Variants in A2ML1 observed in about 807,000 individuals in gnomAD.
The protein encoded by A2ML1 is alpha-2-macroglobulin like 1.
A2ML1 carries 161 observed loss-of-function variants against 181.9 expected under a neutral mutation model. The ratio of observed to expected loss-of-function variants is 0.89; its 90% CI spans 0.78 to 1.01. The LOEUF is 1.01. A2ML1 is among the 50% of genes least tolerant of loss of function. A2ML1 has a pLI of 0.00. For synonymous variants in A2ML1, 663 were observed against 666.8 expected, an observed-to-expected ratio of 0.99 and a Z score of 0.09; for missense variants, 1,670 against 1,768.1, an observed-to-expected ratio of 0.94 and a Z score of 1.00.
chr12:8,848,545 G>T (rs375874869), intron 15 of A2ML1, among the ~76,000 whole-genome samples, 175 bp from the exon 16 acceptor site: 13 of 152,018 alleles, frequency 8.6e-5, no homozygotes, highest in African/African-American at 3.1e-4. Flanking sequence ...TGAGATAGAG[G>T]TTAAAGTTTT....
chr12:8,845,896 A>AATAAAAAAC (rs1491320617), intron 13 of A2ML1, among the ~76,000 whole-genome samples, 181 bp from the exon 14 acceptor site: 2 of 151,454 alleles, frequency 1.3e-5, no homozygotes, highest in African/African-American at 4.9e-5. Context: ...AAATAAAAAA[A>AATAAAAAAC]TTCTTATCCA....
intron 33 of A2ML1, among the ~76,000 whole-genome samples, chr12:8,871,005 C>A (rs937838652): frequency 6.6e-6 from 1 of 152,160 alleles, no homozygotes; most frequent in South Asian, 2.1e-4. Flanking sequence ...TGACCTTATT[C>A]ACATATATAG....
At position 8,828,926 on chromosome 12, in the gene A2ML1, C is replaced by T. The variant is rs180734701; in HGVS notation, c.410-801C>T. On this transcript the variant is annotated intron_variant, in intron 3 of 35. Coordinates refer to ENST00000299698, the MANE Select transcript of A2ML1 (RefSeq NM_144670.6). Reference sequence around the variant, plus strand: ...CTGTGTGCTTTCCCCTGTGATTGGGCAGCATTGCATTCTAAAGCCAAGTCC... The same window carrying T: ...CTGTGTGCTTTCCCCTGTGATTGGGTAGCATTGCATTCTAAAGCCAAGTCC... 5.3e-4 allele frequency among the ~76,000 whole-genome samples: 81 copies of T among 152,340 alleles called. 1 individual carries two copies. Among genetic ancestry groups the T allele is most frequent in the African/African-American group, 1.9e-3 (77 of 41,580 alleles).
chr12:8,853,556 G>A (rs1388280099), intron 20 of A2ML1, among the ~76,000 whole-genome samples: 1 of 152,192 alleles, frequency 6.6e-6, no homozygotes, highest in African/African-American at 2.4e-5. Context: ...GGTTTCATCT[G>A]AAGACTCGAC....
intron 4 of A2ML1, among the ~76,000 whole-genome samples, chr12:8,834,113 A>G (rs1439211877): frequency 6.6e-6 from 1 of 152,122 alleles, no homozygotes; most frequent in Non-Finnish European, 1.5e-5. Context: ...GTTCCTCACA[A>G]ACTTAATGGT....
rs761090250 is a variant in A2ML1, at chr12:8,849,677, C to A, written c.2037C>A (p.Gly679=). The A allele has an allele frequency of 1.9e-6, 3 of 1,614,094 alleles. No homozygotes were observed. The highest frequency in any genetic ancestry group is 2.2e-5 in the South Asian group (2 of 91,078). The change falls in exon 17 of 36, where the codon GGC becomes GGA. Residue 679 remains glycine (G), a synonymous_variant. Transcript: ENST00000299698. ...TCTCTGATGCCTATCAGGACGTGGG[C>A]CTGAAAATACTGTCCAATGCCAAAA... is the stretch of plus-strand genomic sequence containing the variant. ...TDLFSFFRDV[G]LKILSNAKIK... is the part of the protein sequence containing the mutation.
Position 8,854,772 on chromosome 12 carries a change from C to A in A2ML1, c.2713-8C>A, listed in dbSNP as rs184386564. 2,225 of 1,614,130 alleles carry A rather than the reference C, an allele frequency of 1.4e-3. 11 individuals are homozygous for A. Among genetic ancestry groups the A allele is most frequent in the Non-Finnish European group, 9.9e-4 (1,174 of 1,180,010 alleles). On this transcript the variant is annotated splice_region_variant and splice_polypyrimidine_tract_variant and intron_variant, in intron 21 of 35. Transcript: ENST00000299698. ...TGTTGTTTTTATCTGTGTCTCTCTT[C>A]ATCGCAGCCTGAGGGAGTCCTGGTG...
intron 16 of A2ML1, among the ~76,000 whole-genome samples, chr12:8,849,369 T>A (rs761495146): frequency 6.6e-6 from 1 of 152,314 alleles, no homozygotes; most frequent in African/African-American, 2.4e-5. Flanking sequence ...TACGCTGATA[T>A]GGTCCCTACC....
Position 8,870,265 on chromosome 12 carries a change from T to C in A2ML1, c.4221+1062T>C, listed in dbSNP as rs79341030. On this transcript the variant is annotated intron_variant, in intron 33 of 35. Coordinates refer to ENST00000299698, the MANE Select transcript of A2ML1 (RefSeq NM_144670.6). ...TTTATGTTGTGTGAGCCGTGTATAGTTTCTTTTTTCTTTTTTTTTTGAGAC... is the reference window on the plus strand; with the variant it reads ...TTTATGTTGTGTGAGCCGTGTATAGCTTCTTTTTTCTTTTTTTTTTGAGAC... 6.5e-3 allele frequency among the ~76,000 whole-genome samples: 973 copies of C among 149,776 alleles called. 12 individuals are homozygous for C. The highest frequency in any genetic ancestry group is 0.023 in the African/African-American group (926 of 40,108).
rs1056949789 is a variant in A2ML1 at position 8,873,917 on chromosome 12, A to G, written c.4222-508A>G. 2.6e-5 allele frequency among the ~76,000 whole-genome samples: 4 copies of G among 152,298 alleles called. No homozygotes were observed. The East Asian group carries it at 7.7e-4, about 29-fold the overall frequency. On this transcript the variant is annotated intron_variant, in intron 33 of 35. Transcript: ENST00000299698. Reference sequence around the variant, plus strand: ...GCCAGAGAGCTGTAAGATCCTAAGAAGAAAGAGCCAGGAAGTCAGCAGGAG... The same window carrying G: ...GCCAGAGAGCTGTAAGATCCTAAGAGGAAAGAGCCAGGAAGTCAGCAGGAG...
intron 13 of A2ML1, 27 bp downstream of exon 13, chr12:8,845,529 C>G (rs746305796): frequency 4.4e-5 from 71 of 1,612,904 alleles, no homozygotes; most frequent in Non-Finnish European, 5.9e-5. Flanking sequence ...TTCCCGGAAG[C>G]AAACAGGATA....
intron 4 of A2ML1, among the ~76,000 whole-genome samples, chr12:8,832,348 A>C (rs1194751884): frequency 1.3e-5 from 2 of 152,184 alleles, no homozygotes; most frequent in Admixed American, 1.3e-4. Context: ...CAGAGGCTGC[A>C]TGACCCCTAA....
Position 8,838,567 on chromosome 12 carries a change from G to T in A2ML1, c.970+117G>T. ...CTCTTGAGTGTTTGGATGGTACCTT[G>T]TTCCTAGTTCATAGTCAAGGGGAAA... On this transcript the variant is annotated intron_variant, in intron 9 of 35. Coordinates refer to ENST00000299698, the MANE Select transcript of A2ML1 (RefSeq NM_144670.6). 3 of 659,024 alleles carry T rather than the reference G, an allele frequency of 4.6e-6. No individual in the cohort carries two copies. The South Asian group carries it at 7.6e-5, about 17-fold the overall frequency. 40.8% of individuals were successfully genotyped at this position (659,024 alleles called of 1,614,324 possible).
Position 8,857,931 on chromosome 12 carries a change from T to C in A2ML1, c.3108-15T>C, listed in dbSNP as rs1944125807. On this transcript the variant is annotated splice_polypyrimidine_tract_variant and intron_variant, in intron 25 of 35. Transcript: ENST00000299698. ...AATTCCTCTTCATGCCATATTTTCCTCTTTACCCATGTAGGCTGACAGCGT... is the reference window on the plus strand; with the variant it reads ...AATTCCTCTTCATGCCATATTTTCCCCTTTACCCATGTAGGCTGACAGCGT... The C allele has an allele frequency of 6.2e-7, 1 of 1,612,422 alleles. No individual in the cohort carries two copies.
chr12:8,860,299 T>C (rs1181255496), intron 26 of A2ML1, among the ~76,000 whole-genome samples: 1 of 152,176 alleles, frequency 6.6e-6, no homozygotes, highest in Non-Finnish European at 1.5e-5. Context: ...CCCACCGACT[T>C]GGCCTCAAGC....
In A2ML1 at chr12:8,829,787, G is replaced by GGGA. The variant is rs750639846; in HGVS notation, c.462+16_462+18dup. On this transcript the variant is annotated intron_variant, in intron 4 of 35. Transcript: ENST00000299698. ...GTTCCAGTGAATGACAAGGTGAGTT[G>GGGA]GGAGGAGGAGAAGGAGTGGCGCAGG... is the stretch of plus-strand genomic sequence containing the variant. 1.2e-6 allele frequency: 2 copies of GGGA among 1,614,080 alleles called. No individual in the cohort carries two copies. The highest frequency in any genetic ancestry group is 4.5e-5 in the East Asian group (2 of 44,892).
intron 4 of A2ML1, among the ~76,000 whole-genome samples, chr12:8,833,483 A>G (rs7957179): frequency 0.83 from 125,935 of 152,126 alleles, 52,442 homozygotes; most frequent in East Asian, 0.97. Context: ...AGCAACCTCC[A>G]CTGTCCGGGT....
At chr12:8,845,392 T>A in intron 12 of A2ML1, 50 bp from the exon 13 acceptor site, 1 of 1,598,986 alleles carries the variant, frequency 6.3e-7, no homozygotes, top group South Asian at 1.1e-5. Context: ...TGGTCCAAGG[T>A]GAAATTACTG....
intron 12 of A2ML1, among the ~76,000 whole-genome samples, chr12:8,844,617 G>A (rs1177966586): frequency 6.6e-6 from 1 of 151,768 alleles, no homozygotes; most frequent in East Asian, 1.9e-4. Context: ...TCTTTGTTCC[G>A]TTATCCTCCT....
Sources: allele counts gnomAD v4.1 joint callset (sites outside exome capture counted in the v4.1 genomes callset), GRCh38; gene constraint gnomAD v4.1.1; transcripts MANE v1.5; gene names NCBI Gene and HGNC (gene_info 2026-07-23, HGNC 2026-07-21).